BRAT1: variants seen among roughly 807,000 people sequenced by gnomAD.
BRAT1 encodes integrator complex assembly factor BRAT1.
Under a neutral mutation model 70.6 loss-of-function variants are expected in BRAT1, and 74 were observed. That is an observed-to-expected ratio of 1.05 (90% CI 0.87 to 1.27). BRAT1 has a LOEUF of 1.27. BRAT1 is among the 50% of genes most tolerant of loss of function. The pLI, the probability that BRAT1 is intolerant of heterozygous loss-of-function variation, is 0.00. For missense variants in BRAT1, 1,203 were observed against 1,098.2 expected, an observed-to-expected ratio of 1.10 and a Z score of -1.35; for synonymous variants, 615 against 517.1, an observed-to-expected ratio of 1.19 and a Z score of -2.57.
chr7:2,554,313 G>C lies in BRAT1; in HGVS notation c.119C>G (p.Thr40Ser), dbSNP rs1211580591. The change falls in exon 2 of 14, where the codon ACT (threonine) becomes AGT (serine). Residue 40 changes from threonine to serine, a missense_variant. By Grantham distance (58) the Thr-to-Ser change is moderately conservative. Coordinates refer to ENST00000340611, the MANE Select transcript of BRAT1 (RefSeq NM_152743.4). ...CAGCACCACCTCCTTACCTCCTTCA[G>C]TGACCGTTTTAAACCAGTCCAGGAG... The part of the protein sequence containing the change: ...EKLLDWFKTV[T>S]EGESSVVLLQ... 5.0e-6 allele frequency: 8 copies of C among 1,613,592 alleles called. No homozygotes were observed. The highest frequency in any genetic ancestry group is 5.9e-6 in the Non-Finnish European group (7 of 1,179,724).
chr7:2,554,386 G>C lies in BRAT1; in HGVS notation c.46C>G (p.Leu16Val), dbSNP rs749445846. The C allele has an allele frequency of 6.2e-6, 10 of 1,613,910 alleles. No homozygotes were observed. The highest frequency in any genetic ancestry group is 1.7e-5 in the Admixed American group (1 of 60,014). ...AQLLPALCAV[L>V]VDPRQPVADD... ...GCCACCGGCTGCCTGGGATCTACCA[G>C]AACAGCACAGAGAGCCGGGAGCAGC... is the stretch of plus-strand genomic sequence containing the variant. The change falls in exon 2 of 14, where the codon CTG (leucine) becomes GTG (valine). Residue 16 changes from leucine (L) to valine (V), a missense_variant. By Grantham distance (32) the Leu-to-Val change is conservative. Transcript: ENST00000340611.
At chr7:2,539,946 C>T (rs1316664164) in intron 10 of BRAT1, 58 bp from the exon 11 acceptor site, 4 of 1,285,000 alleles carry the variant, frequency 3.1e-6, no homozygotes, top group Non-Finnish European at 4.2e-6. Context: ...GGCTGTCTGT[C>T]TGTCCCCCTC....
intron 2 of BRAT1, among the ~76,000 whole-genome samples, chr7:2,550,385 C>G (rs1223940773): frequency 7.0e-6 from 1 of 142,910 alleles, no homozygotes; most frequent in Non-Finnish European, 1.5e-5. Flanking sequence ...AGAGAATCAT[C>G]TGAGCCCAAG....
At position 2,543,121 on chromosome 7, in the gene BRAT1, G is replaced by GC; in HGVS notation, c.923+82dup. 2 of 1,460,082 alleles carry GC rather than the reference G, an allele frequency of 1.4e-6. No homozygotes were observed. The highest frequency in any genetic ancestry group is 1.8e-6 in the Non-Finnish European group (2 of 1,100,644). 90.4% of individuals were successfully genotyped at this position (1,460,082 alleles called of 1,614,324 possible). On this transcript the variant is annotated intron_variant, in intron 6 of 13. Transcript: ENST00000340611. This position sits in a 1 kb window ranked among gnomAD's most constrained non-coding sequence, Gnocchi z 5.5. The stretch of plus-strand genomic sequence containing the variant: ...TGTCCCTGGTGTCCGGAACTCCCCT[G>GC]CCATGAGGGCTGCGCTCTCAACCTC...
At chr7:2,544,438 G>A (rs1779445891) in intron 4 of BRAT1, among the ~76,000 whole-genome samples, 1 of 152,054 alleles carries the variant, frequency 6.6e-6, no homozygotes, top group Admixed American at 6.6e-5. Context: ...CTGACCTCAG[G>A]TGATCCACCC....
At chr7:2,545,167 C>T (rs1264378167) in intron 3 of BRAT1, 111 bp from the exon 4 acceptor site, 7 of 1,211,970 alleles carry the variant, frequency 5.8e-6, no homozygotes, top group Non-Finnish European at 7.7e-6. Flanking sequence ...AGTTCGAGAC[C>T]AGCCTGACCA....
At position 2,543,126 on chromosome 7, in the gene BRAT1, G is replaced by A. The variant is rs1277883161; in HGVS notation, c.923+78C>T. 5.5e-6 allele frequency: 8 copies of A among 1,465,478 alleles called. No homozygotes were observed. Among genetic ancestry groups the A allele is most frequent in the African/African-American group, 1.4e-5 (1 of 69,390 alleles). 90.8% of individuals were successfully genotyped at this position (1,465,478 alleles called of 1,614,324 possible). A position where few individuals can be genotyped will look rare whatever the true frequency, so the allele number is the denominator to read the frequency against. On this transcript the variant is annotated intron_variant, in intron 6 of 13. Transcript: ENST00000340611. The surrounding 1 kb of genome is among the most constrained non-coding windows in gnomAD (Gnocchi z 5.5). ...CTGGTGTCCGGAACTCCCCTGCCAT[G>A]AGGGCTGCGCTCTCAACCTCCCTGC...
At chr7:2,541,531 C>T (rs1203672897) in intron 8 of BRAT1, 47 bp from the exon 9 acceptor site, 13 of 1,502,314 alleles carry the variant, frequency 8.7e-6, no homozygotes, top group South Asian at 1.3e-5. Context: ...CCACTGCCGG[C>T]GTGGATGCAG....
rs202145442 is a variant in BRAT1, at chr7:2,541,367, T to A, written c.1252A>T (p.Thr418Ser). 3 of 1,607,642 alleles carry A rather than the reference T, an allele frequency of 1.9e-6. No individual in the cohort carries two copies. The African/African-American group carries it at 4.0e-5, about 21-fold the overall frequency. ...TGGACCCGGACGCAGCCCGCCAGGG[T>A]CCCACAGAGGTGGCCCCCCACACTG... ...ASSVGGHLCGTLAGCVRVQRA... is the reference protein window; with the variant it reads ...ASSVGGHLCGSLAGCVRVQRA... The change falls in exon 9 of 14, where the codon ACC becomes TCC. Residue 418 changes from threonine (T) to serine (S), a missense_variant. Transcript: ENST00000340611.
rs2128395170 is a variant in BRAT1, at chr7:2,543,022, T to C, written c.923+182A>G. ...GCTTTGGTCTGAAACAATTATTCTG[T>C]TGCTAAAGAACCTTCAGAAGCTGCC... On this transcript the variant is annotated intron_variant, in intron 6 of 13. Transcript: ENST00000340611. The surrounding 1 kb of genome is among the most constrained non-coding windows in gnomAD (Gnocchi z 5.5). The C allele has an allele frequency of 4.8e-6, 3 of 620,598 alleles. No individual in the cohort carries two copies. The highest frequency in any genetic ancestry group is 7.8e-6 in the Non-Finnish European group (3 of 384,284). The allele number at this position is 620,598 out of a possible 1,614,324, so 38.4% of individuals were successfully genotyped here. A position where few individuals can be genotyped will look rare whatever the true frequency, so the allele number is the denominator to read the frequency against.
chr7:2,540,624 G>T, intron 10 of BRAT1: 1 of 236,140 alleles, frequency 4.2e-6, no homozygotes, highest in Non-Finnish European at 8.1e-6. Context: ...CTCCGTGAGG[G>T]GCTGTGGAGT....
At chr7:2,552,242 C>T (rs1357400976) in intron 2 of BRAT1, among the ~76,000 whole-genome samples, 2 of 147,842 alleles carry the variant, frequency 1.4e-5, no homozygotes, top group East Asian at 2.0e-4. Context: ...TTCAGCCTCC[C>T]GAGTAGCTGG....
In BRAT1 at chr7:2,543,557, C is replaced by T; in HGVS notation, c.803+33G>A. On this transcript the variant is annotated intron_variant, in intron 5 of 13. Transcript: ENST00000340611. The surrounding 1 kb of genome is among the most constrained non-coding windows in gnomAD (Gnocchi z 5.5). ...TTATCCGAGGAAAACAGTTGCCCAC[C>T]CAGGCCCCCCAGCTGCGTCCCGGGG... is the stretch of plus-strand genomic sequence containing the variant. The T allele has an allele frequency of 2.7e-6, 4 of 1,502,286 alleles. No homozygotes were observed. The highest frequency in any genetic ancestry group is 3.6e-6 in the Non-Finnish European group (4 of 1,125,602). The allele number at this position is 1,502,286 out of a possible 1,614,324, so 93.1% of individuals were successfully genotyped here.
intron 2 of BRAT1, among the ~76,000 whole-genome samples, chr7:2,551,285 A>ATATATATATCTATATATAGATC (rs1163242036): frequency 1.2e-3 from 187 of 150,372 alleles, no homozygotes; most frequent in African/African-American, 4.2e-3. Flanking sequence ...ATATATAGAT[A>ATATATATATCTATATATAGATC]TATATATATC....
intron 2 of BRAT1, among the ~76,000 whole-genome samples, chr7:2,549,996 G>A (rs999714013): frequency 2.7e-5 from 4 of 150,332 alleles, no homozygotes; most frequent in Admixed American, 1.3e-4. Context: ...CCCCGTCTCC[G>A]CAAAAAAATA....
At chr7:2,551,139 C>T (rs1779972250) in intron 2 of BRAT1, among the ~76,000 whole-genome samples, 2 of 151,806 alleles carry the variant, frequency 1.3e-5, no homozygotes, top group Admixed American at 1.3e-4. Context: ...ACTCAGGAGG[C>T]TGAGGCAGGA....
chr7:2,545,363 C>CAAAAAAAAAAAAAAAAAAAA (rs1185029266), intron 3 of BRAT1, among the ~76,000 whole-genome samples: 2 of 25,132 alleles, frequency 8.0e-5, no homozygotes, highest in Admixed American at 6.9e-4. Context: ...GACTCCATCT[C>CAAAAAAAAAAAAAAAAAAAA]AAAAAAAAAA....
rs370035153 is a variant in BRAT1, at chr7:2,554,428, C to A, written c.4G>T (p.Asp2Tyr). Reference protein sequence around the residue: MDPECAQLLPAL... With the variant: MYPECAQLLPAL... ...GGGAGCAGCTGGGCGCATTCTGGGT[C>A]CATGGTGAGGCCGCAGGCCCTGCAA... is the stretch of plus-strand genomic sequence containing the variant. Residue 2 changes from aspartate to tyrosine, a missense_variant, in exon 2 of 14, where the codon GAC (aspartate) becomes TAC (tyrosine). Asp to Tyr is a radical substitution (Grantham distance 160, BLOSUM62 -3). Coordinates refer to ENST00000340611, the MANE Select transcript of BRAT1 (RefSeq NM_152743.4). 3 of 1,613,086 alleles carry A rather than the reference C, an allele frequency of 1.9e-6. No individual in the cohort carries two copies. Among genetic ancestry groups the A allele is most frequent in the African/African-American group, 2.7e-5 (2 of 74,938 alleles).
At chr7:2,540,368 G>A (rs1779052089) in intron 10 of BRAT1, 1 of 157,854 alleles carries the variant, frequency 6.3e-6, no homozygotes, top group African/African-American at 2.4e-5. Flanking sequence ...CGCCCCTCCT[G>A]GGCTGATTTT....
Sources: allele counts gnomAD v4.1 joint callset (sites outside exome capture counted in the v4.1 genomes callset), GRCh38; gene constraint gnomAD v4.1.1; non-coding constraint Gnocchi (gnomAD v3.1); transcripts MANE v1.5; gene names NCBI Gene and HGNC (gene_info 2026-07-23, HGNC 2026-07-21).